Variants in TRPM2 observed in about 807,000 individuals in gnomAD.
TRPM2 encodes the protein estrogen-responsive element-associated gene 1 protein.
In TRPM2, 161 loss-of-function variants were observed where a neutral mutation model predicts 174.0. That is an observed-to-expected ratio of 0.93 (90% CI 0.81 to 1.05). TRPM2 has a LOEUF of 1.05. TRPM2 is among the 50% of genes least tolerant of loss of function. TRPM2 has a pLI of 0.00. For synonymous variants in TRPM2, 954 were observed against 861.3 expected, an observed-to-expected ratio of 1.11 and a Z score of -1.88; for missense variants, 2,057 against 2,038.0, an observed-to-expected ratio of 1.01 and a Z score of -0.18.
At chr21:44,353,356 G>C (rs2047959837), upstream of TRPM2, 1 of 195,738 alleles carries the variant, frequency 5.1e-6, no homozygotes, top group Non-Finnish European at 1.0e-5. Context: ...CCGTGGGGGA[G>C]GGAGCTCTTT....
intron 28 of TRPM2, among the ~76,000 whole-genome samples, chr21:44,436,296 C>G (rs1273374838): frequency 6.6e-6 from 1 of 152,146 alleles, no homozygotes; most frequent in Non-Finnish European, 1.5e-5. Flanking sequence ...GCCCTGTGCT[C>G]TCTGGGGCCT....
intron 27 of TRPM2, among the ~76,000 whole-genome samples, chr21:44,431,387 C>G (rs914537193): frequency 6.6e-6 from 1 of 152,000 alleles, no homozygotes; most frequent in African/African-American, 2.4e-5. Context: ...TATCCTCCTG[C>G]CTCTGCCTCC....
intron 11 of TRPM2, among the ~76,000 whole-genome samples, chr21:44,392,953 C>G (rs973578539): frequency 6.6e-6 from 1 of 152,130 alleles, no homozygotes; most frequent in Non-Finnish European, 1.5e-5. Flanking sequence ...GAGCCCTGCT[C>G]TAGTCTCACC....
chr21:44,373,558 G>T (rs939716153), intron 5 of TRPM2, among the ~76,000 whole-genome samples: 4 of 105,168 alleles, frequency 3.8e-5, no homozygotes, highest in African/African-American at 1.2e-4. Context: ...TATGCGACCT[G>T]CATTATATGC....
rs2049172245 is a variant in TRPM2 at position 44,391,476 on chromosome 21, T to G, written c.1645T>G (p.Cys549Gly). Reference protein sequence around the residue: ...VLVEDPERPACAPAAPRLQMH... With the variant: ...VLVEDPERPAGAPAAPRLQMH... ...GGTGGAGGATCCCGAGCGCCCGGCT[T>G]GCGCGCCCGCGGCGCCCCGCCTGCA... Residue 549 changes from cysteine to glycine, a missense_variant, in exon 11 of 32, where the codon TGC becomes GGC. Coordinates refer to ENST00000397928, the MANE Select transcript of TRPM2 (RefSeq NM_003307.4). The surrounding 1 kb of genome is among the most constrained non-coding windows in gnomAD (Gnocchi z 5.0). 2.5e-6 allele frequency: 4 copies of G among 1,608,960 alleles called. No homozygotes were observed. In the East Asian group the frequency reaches 6.7e-5, roughly 27 times the overall value.
intron 5 of TRPM2, 26 bp downstream of exon 5, chr21:44,369,369 AG>A: frequency 6.3e-7 from 1 of 1,589,798 alleles, no homozygotes; most frequent in South Asian, 1.1e-5. Context: ...TAGGGAGGGG[AG>A]CCTAAGACCA....
chr21:44,374,712 A>C (rs1031228227), intron 5 of TRPM2, among the ~76,000 whole-genome samples: 2 of 152,088 alleles, frequency 1.3e-5, no homozygotes, highest in African/African-American at 4.8e-5. Flanking sequence ...CAGGAGGTGG[A>C]GCTCGGACAG....
rs34051764 is a variant in TRPM2 at position 44,398,206 on chromosome 21, G to GTTTTTTTTTTTTTTT, written c.2062+342_2062+343insTTTTTTTTTTTTTTT. Among the ~76,000 whole-genome samples the GTTTTTTTTTTTTTTT allele has an allele frequency of 3.0e-3, 430 of 144,678 alleles. 16 individuals are homozygous for GTTTTTTTTTTTTTTT. Among genetic ancestry groups the GTTTTTTTTTTTTTTT allele is most frequent in the African/African-American group, 0.011 (407 of 37,500 alleles). The allele number at this position is 144,678 out of a possible 152,430, so 94.9% of individuals were successfully genotyped here. ...CAGTCTCCCTGAAAATTTGGAGACT[G>GTTTTTTTTTTTTTTT]TTTTTTTTTTTTGAGATGGAGTGTC... is the stretch of plus-strand genomic sequence containing the variant. On this transcript the variant is annotated intron_variant, in intron 13 of 31. Transcript: ENST00000397928.
intron 2 of TRPM2, among the ~76,000 whole-genome samples, chr21:44,358,320 G>C (rs2048114999): frequency 6.6e-6 from 1 of 152,162 alleles, no homozygotes; most frequent in Non-Finnish European, 1.5e-5. Context: ...TGAGCGCAGA[G>C]ACTGGAGGGG....
At chr21:44,409,819 A>G (rs1201707311) in intron 19 of TRPM2, among the ~76,000 whole-genome samples, 5 of 141,154 alleles carry the variant, frequency 3.5e-5, no homozygotes, top group African/African-American at 5.4e-5. Flanking sequence ...TTTTGACCGC[A>G]CTGTCTTGGT....
Position 44,425,704 on chromosome 21 carries a change from G to C in TRPM2, c.3672G>C (p.Glu1224Asp). 1 of 1,561,442 alleles carries C rather than the reference G, an allele frequency of 6.4e-7. No homozygotes were observed. Among genetic ancestry groups the C allele is most frequent in the Non-Finnish European group, 8.7e-7 (1 of 1,151,558 alleles). The part of the protein sequence containing the change: ...SQKAAEEPDA[E>D]PGGRKKTEEP... ...AGGCCGCGGAGGAGCCGGATGCTGAGCCGGGAGGCAGGAAGAAGACGGAGG... is the reference window on the plus strand; with the variant it reads ...AGGCCGCGGAGGAGCCGGATGCTGACCCGGGAGGCAGGAAGAAGACGGAGG... The change falls in exon 25 of 32, where the codon GAG becomes GAC. Residue 1224 changes from glutamate (E) to aspartate (D), a missense_variant. Physicochemically the swap from Glu to Asp is conservative, Grantham distance 45 (BLOSUM62 2). Coordinates refer to ENST00000397928, the MANE Select transcript of TRPM2 (RefSeq NM_003307.4).
Position 44,401,833 on chromosome 21 carries a change from C to T in TRPM2, c.2474C>T (p.Pro825Leu), listed in dbSNP as rs763416286. 2.5e-6 allele frequency: 4 copies of T among 1,613,916 alleles called. No individual in the cohort carries two copies. Among genetic ancestry groups the T allele is most frequent in the Non-Finnish European group, 8.5e-7 (1 of 1,180,016 alleles). ...CTCATGGTGGACTTCCAGCCTGTGC[C>T]CTCCTGGTGCGAGTGTGCCATCTAC... is the stretch of plus-strand genomic sequence containing the variant. ...YVLMVDFQPV[P>L]SWCECAIYLW... is the part of the protein sequence containing the mutation. Residue 825 changes from proline to leucine, a missense_variant, in exon 16 of 32, where the codon CCC becomes CTC. Pro to Leu is a moderately conservative substitution (Grantham distance 98). Coordinates refer to ENST00000397928, the MANE Select transcript of TRPM2 (RefSeq NM_003307.4).
intron 13 of TRPM2, among the ~76,000 whole-genome samples, chr21:44,398,121 GAA>G (rs2049491134): frequency 6.6e-6 from 1 of 152,130 alleles, no homozygotes; most frequent in African/African-American, 2.4e-5. Context: ...TTGCAATAGA[GAA>G]AGAGTTTAAT....
chr21:44,406,743 G>A lies in TRPM2; in HGVS notation c.2940G>A (p.Gly980=). 6.2e-7 allele frequency: 1 copy of A among 1,606,270 alleles called. No homozygotes were observed. The highest frequency in any genetic ancestry group is 2.2e-5 in the East Asian group (1 of 44,760). The change falls in exon 19 of 32, where the codon GGG becomes GGA. Residue 980 remains glycine, a synonymous_variant. Coordinates refer to ENST00000397928, the MANE Select transcript of TRPM2 (RefSeq NM_003307.4). ...ACCACTCCTACCTCACCATCTTCGG[G>A]CAGATCCCGGGCTACATCGACGGTA... ...AVYHSYLTIF[G]QIPGYIDGVN... is the part of the protein sequence containing the mutation.
Position 44,397,737 on chromosome 21 carries a change from T to C in TRPM2, c.1933-10T>C, listed in dbSNP as rs1785436. ...CTCTTTAGTCTCACGGTGGCTCCTC[T>C]GGTCCCCAGAGCCAGGACTGCATCG... On this transcript the variant is annotated splice_polypyrimidine_tract_variant and intron_variant, in intron 12 of 31. Transcript: ENST00000397928. 1,182,404 of 1,557,204 alleles carry C rather than the reference T, an allele frequency of 0.76. 450,106 individuals carry two copies. Among genetic ancestry groups the C allele is most frequent in the African/African-American group, 0.83 (60,744 of 73,514 alleles).
chr21:44,391,209 G>A lies in TRPM2; in HGVS notation c.1441-63G>A. On this transcript the variant is annotated intron_variant, in intron 10 of 31. Transcript: ENST00000397928. This position sits in a 1 kb window ranked among gnomAD's most constrained non-coding sequence, Gnocchi z 5.0. ...AGCAGCCCCCATCTCCAGGGTCTTTGAGATCAGGATGACATGGGGTGATGA... is the reference window on the plus strand; with the variant it reads ...AGCAGCCCCCATCTCCAGGGTCTTTAAGATCAGGATGACATGGGGTGATGA... 1 of 1,552,622 alleles carries A rather than the reference G, an allele frequency of 6.4e-7. No homozygotes were observed. Among genetic ancestry groups the A allele is most frequent in the East Asian group, 2.3e-5 (1 of 44,422 alleles).
At chr21:44,380,336 G>C (rs992844334) in intron 8 of TRPM2, among the ~76,000 whole-genome samples, 1 of 152,212 alleles carries the variant, frequency 6.6e-6, no homozygotes, top group Admixed American at 6.5e-5. Context: ...ATCGTGGTCC[G>C]GCTGTGAGCG....
intron 16 of TRPM2, among the ~76,000 whole-genome samples, chr21:44,403,788 C>T (rs1007112760): frequency 6.6e-6 from 1 of 150,948 alleles, no homozygotes; most frequent in African/African-American, 2.5e-5. Context: ...TGCACACATA[C>T]AAATATACAC....
intron 22 of TRPM2, among the ~76,000 whole-genome samples, chr21:44,418,812 G>A (rs1161439325): frequency 2.6e-5 from 4 of 152,132 alleles, no homozygotes; most frequent in Admixed American, 1.3e-4. Context: ...AAGCCTTGGC[G>A]GCTGGGGGAG....
Sources: gnomAD v4.1 joint callset for allele counts (sites outside exome capture counted in the v4.1 genomes callset) on GRCh38, gnomAD v4.1.1 for gene constraint, Gnocchi (gnomAD v3.1) non-coding constraint, MANE v1.5 for transcripts, NCBI Gene and HGNC (gene_info 2026-07-23, HGNC 2026-07-21) for gene names.